PLEKHG1: variants seen among roughly 807,000 people sequenced by gnomAD.
The protein encoded by PLEKHG1 is pleckstrin homology domain-containing family G member 1.
PLEKHG1 carries 44 observed loss-of-function variants against 100.8 expected under a neutral mutation model. That is an observed-to-expected ratio of 0.44 (90% CI 0.34 to 0.56). PLEKHG1 has a LOEUF of 0.56. Among genes scored for constraint, PLEKHG1 ranks in the 20% least tolerant of loss-of-function variants. The pLI is 0.01. For synonymous variants in PLEKHG1, 640 were observed against 662.5 expected (o/e 0.97, Z 0.52); for missense variants, 1,545 against 1,720.9 (o/e 0.90, Z 1.81).
intron 7 of PLEKHG1, among the ~76,000 whole-genome samples, chr6:150,807,266 G>A (rs6923310): frequency 0.045 from 6,809 of 152,192 alleles, 237 homozygotes; most frequent in African/African-American, 0.095. Flanking sequence ...CCCCAGTTCC[G>A]GTAATCCACT....
intron 3 of PLEKHG1, among the ~76,000 whole-genome samples, chr6:150,701,991 T>C (rs906333566): frequency 3.3e-5 from 5 of 152,184 alleles, no homozygotes; most frequent in African/African-American, 1.2e-4. Flanking sequence ...GAAGTTAAAA[T>C]CTATGATCAT....
At chr6:150,764,386 T>C (rs996514332) in intron 2 of PLEKHG1, among the ~76,000 whole-genome samples, 3 of 152,194 alleles carry the variant, frequency 2.0e-5, no homozygotes, top group African/African-American at 7.2e-5. Context: ...CCCAAAGTAT[T>C]GGGATTACAG....
At chr6:150,787,879 C>G (rs1785722235) in intron 4 of PLEKHG1, among the ~76,000 whole-genome samples, 1 of 152,068 alleles carries the variant, frequency 6.6e-6, no homozygotes, top group African/African-American at 2.4e-5. Context: ...ACATACAATC[C>G]TTTTCACAAG....
chr6:150,747,870 T>C (rs544679547), intron 2 of PLEKHG1, among the ~76,000 whole-genome samples: 34 of 149,800 alleles, frequency 2.3e-4, no homozygotes, highest in African/African-American at 8.1e-4. Context: ...CACTCCAGCC[T>C]AGGCGACAAG....
chr6:150,709,332 C>G (rs1016955368), intron 3 of PLEKHG1, among the ~76,000 whole-genome samples: 2 of 152,098 alleles, frequency 1.3e-5, no homozygotes, highest in African/African-American at 4.8e-5. Context: ...GAGACTCCAT[C>G]TCAAAAAACA....
chr6:150,655,625 G>A (rs556254598), intron 3 of PLEKHG1, among the ~76,000 whole-genome samples: 109 of 148,614 alleles, frequency 7.3e-4, no homozygotes, highest in Non-Finnish European at 1.1e-3. Flanking sequence ...GGAGAATGGT[G>A]TGAACCTGGG....
chr6:150,632,378 T>C (rs1777795960), intron 1 of PLEKHG1, among the ~76,000 whole-genome samples: 1 of 152,252 alleles, frequency 6.6e-6, no homozygotes, highest in Non-Finnish European at 1.5e-5. Flanking sequence ...AGTTTGTCTT[T>C]TTGTCTGCTT....
exon 15 of PLEKHG1, chr6:150,830,651 C>T: frequency 2.5e-6 from 4 of 1,613,810 alleles, no homozygotes; most frequent in Non-Finnish European, 3.4e-6. Flanking sequence ...AAATAGTCAG[C>T]CTAGCAGTTC....
In PLEKHG1 at chr6:150,737,971, GT is replaced by G. The variant is rs113346610; in HGVS notation, c.411+3895del. 3.0e-3 allele frequency among the ~76,000 whole-genome samples: 427 copies of G among 140,604 alleles called. 3 individuals are homozygous for G. Among genetic ancestry groups the G allele is most frequent in the South Asian group, 8.3e-3 (36 of 4,362 alleles). The allele number at this position is 140,604 out of a possible 152,430, so 92.2% of individuals were successfully genotyped here. ...GGTGCACACCACCACACCTTGCTAA[GT>G]TTTTTTTTTTTTTTTAATTTTTGTA... On this transcript the variant is annotated intron_variant, in intron 2 of 15. Coordinates refer to ENST00000358517, the Ensembl canonical transcript of PLEKHG1.
intron 3 of PLEKHG1, among the ~76,000 whole-genome samples, chr6:150,689,120 A>G (rs1212624331): frequency 6.6e-6 from 1 of 152,198 alleles, no homozygotes; most frequent in East Asian, 1.9e-4. Context: ...TTTACTAGAC[A>G]TTTTGTATGA....
chr6:150,701,179 G>A (rs1322689461), intron 3 of PLEKHG1, among the ~76,000 whole-genome samples: 1 of 151,258 alleles, frequency 6.6e-6, no homozygotes. Context: ...AATTAGCCAG[G>A]TGTGGTGGTG....
intron 3 of PLEKHG1, among the ~76,000 whole-genome samples, chr6:150,781,623 G>C (rs995903342): frequency 2.6e-5 from 4 of 151,952 alleles, no homozygotes; most frequent in Non-Finnish European, 5.9e-5. Context: ...AACGGGAAAA[G>C]AGTTAATTTA....
At chr6:150,669,505 T>C (rs1779514896) in intron 3 of PLEKHG1, among the ~76,000 whole-genome samples, 1 of 152,142 alleles carries the variant, frequency 6.6e-6, no homozygotes, top group South Asian at 2.1e-4. Context: ...TTGCCTAAAT[T>C]ACTTTTAATA....
At chr6:150,651,928 A>G (rs2128574654) in intron 3 of PLEKHG1, 1 of 152,312 alleles carries the variant, frequency 6.6e-6, no homozygotes, top group East Asian at 1.9e-4. Context: ...AAGGATAAAA[A>G]TTAAAGAAAA....
intron 3 of PLEKHG1, among the ~76,000 whole-genome samples, chr6:150,666,761 A>T (rs998115989): frequency 4.0e-5 from 6 of 150,530 alleles, no homozygotes; most frequent in Admixed American, 4.0e-4. Flanking sequence ...CTGCATTGAT[A>T]ATTTTTTTTT....
chr6:150,843,454 G>A (rs1470369134), exon 16 of PLEKHG1: 4 of 152,124 alleles, frequency 2.6e-5, no homozygotes, highest in South Asian at 2.1e-4. Context: ...TGTATATAAC[G>A]AGGAAAAGTT....
intron 3 of PLEKHG1, among the ~76,000 whole-genome samples, chr6:150,676,021 T>C (rs565162781): frequency 1.3e-5 from 2 of 152,170 alleles, no homozygotes; most frequent in Non-Finnish European, 2.9e-5. Flanking sequence ...TATATCACAG[T>C]GAACTCCCAA....
At chr6:150,739,617 G>A (rs977437753) in intron 2 of PLEKHG1, among the ~76,000 whole-genome samples, 3 of 151,672 alleles carry the variant, frequency 2.0e-5, no homozygotes, top group Non-Finnish European at 4.4e-5. Flanking sequence ...GCAGTGAGCC[G>A]AGATCGTGCC....
chr6:150,674,684 C>T (rs3072701), intron 3 of PLEKHG1, among the ~76,000 whole-genome samples: 11,274 of 71,632 alleles, frequency 0.16, 780 homozygotes, highest in South Asian at 0.26. Context: ...TCTCTCTCTC[C>T]CCCCTCTTCT....
Sources: gnomAD v4.1 joint callset for allele counts (sites outside exome capture counted in the v4.1 genomes callset) on GRCh38, gnomAD v4.1.1 for gene constraint, MANE v1.5 for transcripts, NCBI Gene and HGNC (gene_info 2026-07-23, HGNC 2026-07-21) for gene names.